GPC3: variants seen among roughly 807,000 people sequenced by gnomAD.
GPC3 encodes the protein glypican-3.
GPC3 carries 3 observed loss-of-function variants against 34.4 expected under a neutral mutation model. That is an observed-to-expected ratio of 0.09 (90% CI 0.04 to 0.23). The LOEUF is 0.23. GPC3 is among the 10% of genes least tolerant of loss of function. GPC3 has a pLI of 1.00. For missense variants in GPC3, 351 were observed against 445.6 expected, an observed-to-expected ratio of 0.79 and a Z score of 1.91; for synonymous variants, 177 against 174.0, an observed-to-expected ratio of 1.02 and a Z score of -0.13.
intron 5 of GPC3, among the ~76,000 whole-genome samples, chrX:133,675,225 G>A (rs745923520): frequency 1.4e-4 from 16 of 111,771 alleles, no homozygotes; most frequent in Non-Finnish European, 2.4e-4. Flanking sequence ...ACTGTTTTCC[G>A]TCAGCTCCTC....
chrX:133,748,950 C>T (rs1183970547), intron 3 of GPC3, among the ~76,000 whole-genome samples: 1 of 111,707 alleles, frequency 9.0e-6, no homozygotes, highest in Non-Finnish European at 1.9e-5. Context: ...TCAGAATCAA[C>T]TGGGACATTT....
At chrX:133,872,210 T>A (rs2075996646) in intron 2 of GPC3, among the ~76,000 whole-genome samples, 1 of 111,731 alleles carries the variant, frequency 9.0e-6, no homozygotes, top group African/African-American at 3.3e-5. Context: ...CAATTTTTTA[T>A]TTCAAGTACT....
intron 2 of GPC3, among the ~76,000 whole-genome samples, chrX:133,868,492 GA>G (rs1337163125): frequency 5.3e-5 from 6 of 112,407 alleles, no homozygotes; most frequent in African/African-American, 1.9e-4. Context: ...AAAGCTGCAG[GA>G]AAGAGGATAT....
At chrX:133,793,839 C>A (rs2075561615) in intron 2 of GPC3, among the ~76,000 whole-genome samples, 1 of 111,604 alleles carries the variant, frequency 9.0e-6, no homozygotes, top group Admixed American at 9.5e-5. Flanking sequence ...CTGCAAGTTC[C>A]TGTTAATAAA....
At chrX:133,878,588 C>T (rs1021712861) in intron 2 of GPC3, among the ~76,000 whole-genome samples, 1 of 112,078 alleles carries the variant, frequency 8.9e-6, no homozygotes, top group African/African-American at 3.2e-5. Flanking sequence ...TTGACTTTTC[C>T]ACACCCAAAA....
At chrX:133,553,726 A>T (rs2069458027) in intron 7 of GPC3, among the ~76,000 whole-genome samples, 1 of 111,876 alleles carries the variant, frequency 8.9e-6, no homozygotes, top group African/African-American at 3.2e-5. Flanking sequence ...ATTTCAATGG[A>T]TTCTTTTTTT....
At chrX:133,681,503 G>A (rs1217221939) in intron 5 of GPC3, among the ~76,000 whole-genome samples, 1 of 112,146 alleles carries the variant, frequency 8.9e-6, no homozygotes, top group Non-Finnish European at 1.9e-5. Flanking sequence ...AAAAAAATAG[G>A]AGAGCTAAAT....
intron 7 of GPC3, among the ~76,000 whole-genome samples, chrX:133,537,909 A>G (rs1450684986): frequency 1.8e-5 from 2 of 111,490 alleles, no homozygotes; most frequent in Non-Finnish European, 3.8e-5. Context: ...TATATTTTAT[A>G]CAAATATTTT....
At chrX:133,985,172 C>T (rs1036558070) in intron 1 of GPC3, 103 bp downstream of exon 1, 2 of 911,545 alleles carry the variant, frequency 2.2e-6, no homozygotes, top group Admixed American at 2.6e-5. Flanking sequence ...AGCTGCAGGG[C>T]GCACGACTAC....
chrX:133,758,204 C>T (rs1276428356), intron 2 of GPC3, among the ~76,000 whole-genome samples: 1 of 111,550 alleles, frequency 9.0e-6, no homozygotes, highest in East Asian at 2.8e-4. Context: ...ACTTGGTATA[C>T]ACCCAAAGGA....
intron 1 of GPC3, among the ~76,000 whole-genome samples, chrX:133,960,243 G>A (rs1016892528): frequency 9.1e-5 from 10 of 110,109 alleles, no homozygotes; most frequent in Non-Finnish European, 1.7e-4. Context: ...GAAGGGCCTT[G>A]AATGCAGGCA....
intron 2 of GPC3, among the ~76,000 whole-genome samples, chrX:133,764,560 G>A (rs1471857487): frequency 9.0e-6 from 1 of 111,623 alleles, no homozygotes; most frequent in African/African-American, 3.3e-5. Flanking sequence ...CTTCATCATC[G>A]CTCAGAATGT....
intron 7 of GPC3, among the ~76,000 whole-genome samples, chrX:133,594,498 A>C (rs943135374): frequency 8.9e-6 from 1 of 112,341 alleles, no homozygotes; most frequent in Non-Finnish European, 1.9e-5. Flanking sequence ...ATGGATAAAA[A>C]AGTGTGGTAC....
chrX:133,930,686 AGTGCAGTG>A (rs1237748734), intron 2 of GPC3, among the ~76,000 whole-genome samples: 5 of 111,903 alleles, frequency 4.5e-5, no homozygotes, highest in African/African-American at 1.6e-4. Flanking sequence ...ACCAGGCTGG[AGTGCAGTG>A]GTGCGATCTT....
chrX:133,975,626 A>G (rs984884328), intron 1 of GPC3, among the ~76,000 whole-genome samples: 8 of 111,436 alleles, frequency 7.2e-5, no homozygotes, highest in African/African-American at 2.3e-4. Context: ...CTTGGCATCT[A>G]TGTTTTTCCT....
intron 3 of GPC3, among the ~76,000 whole-genome samples, chrX:133,715,570 C>T (rs998623686): frequency 3.6e-5 from 4 of 111,506 alleles, no homozygotes; most frequent in Non-Finnish European, 7.5e-5. Context: ...TAAAATACCC[C>T]ATTTGCAAGG....
chrX:133,930,683 T>G (rs2076294518), intron 2 of GPC3, among the ~76,000 whole-genome samples: 1 of 112,455 alleles, frequency 8.9e-6, no homozygotes, highest in Non-Finnish European at 1.9e-5. Flanking sequence ...GTCACCAGGC[T>G]GGAGTGCAGT....
At chrX:133,760,351 A>T (rs2071774820) in intron 2 of GPC3, among the ~76,000 whole-genome samples, 1 of 112,349 alleles carries the variant, frequency 8.9e-6, no homozygotes, top group South Asian at 3.7e-4. Context: ...TAGCAGTTTT[A>T]TTTATAATCA....
intron 2 of GPC3, among the ~76,000 whole-genome samples, chrX:133,833,286 A>G (rs1268697757): frequency 9.0e-6 from 1 of 111,713 alleles, no homozygotes; most frequent in Non-Finnish European, 1.9e-5. Context: ...GGGCATGAAC[A>G]TATATATAAG....
Sources: gnomAD v4.1 joint callset for allele counts (sites outside exome capture counted in the v4.1 genomes callset) on GRCh38, gnomAD v4.1.1 for gene constraint, MANE v1.5 for transcripts, NCBI Gene and HGNC (gene_info 2026-07-23, HGNC 2026-07-21) for gene names.